DIS3L2: variants seen among roughly 807,000 people sequenced by gnomAD.
DIS3L2 encodes the protein DIS3 like 3'-5' exoribonuclease 2, also known as DIS3-like exonuclease 2.
In DIS3L2, 34 loss-of-function variants were observed where a neutral mutation model predicts 97.5. The observed-to-expected ratio is 0.35, with a 90% CI of 0.27 to 0.46. The LOEUF (loss-of-function observed/expected upper bound fraction) is 0.46, where lower values mean the gene tolerates loss of function less well. DIS3L2 is among the 20% of genes least tolerant of loss of function. DIS3L2 has a pLI of 1.00. For synonymous variants in DIS3L2, 435 were observed against 445.2 expected, an observed-to-expected ratio of 0.98 and a Z score of 0.29; for missense variants, 1,038 against 1,146.0, an observed-to-expected ratio of 0.91 and a Z score of 1.36.
chr2:232,218,826 A>T (rs754272436), intron 10 of DIS3L2, among the ~76,000 whole-genome samples: 1 of 152,228 alleles, frequency 6.6e-6, no homozygotes, highest in Non-Finnish European at 1.5e-5. Flanking sequence ...GGACCAGATC[A>T]TGTAGCTTTT....
In DIS3L2 at chr2:232,015,529, C is replaced by T. The variant is rs1004734586; in HGVS notation, c.68C>T (p.Ala23Val). 1.2e-6 allele frequency: 2 copies of T among 1,613,928 alleles called. No individual in the cohort carries two copies. Among genetic ancestry groups the T allele is most frequent in the African/African-American group, 1.3e-5 (1 of 75,022 alleles). Residue 23 changes from alanine to valine, a missense_variant, in exon 3 of 21, where the codon GCT (alanine) becomes GTT (valine). Ala to Val is a moderately conservative substitution (Grantham distance 64, BLOSUM62 0). Transcript: ENST00000325385. ...CTGTTTCTAGGTGTGTCTGCTGTGG[C>T]TGGTCCACATGACATTGGTGCTTCG... is the stretch of plus-strand genomic sequence containing the variant. ...LGTPRGVSAV[A>V]GPHDIGASPG...
chr2:232,187,598 A>T (rs1444342682), intron 9 of DIS3L2, among the ~76,000 whole-genome samples: 1 of 152,038 alleles, frequency 6.6e-6, no homozygotes, highest in East Asian at 1.9e-4. Flanking sequence ...GCGCGCCACC[A>T]TGCCCAGCTA....
downstream of DIS3L2, among the ~76,000 whole-genome samples, chr2:232,341,508 G>C (rs890526097): frequency 6.6e-6 from 1 of 152,218 alleles, no homozygotes; most frequent in Non-Finnish European, 1.5e-5. Context: ...CACAGTTTAC[G>C]ATCTGGCAAT....
intron 14 of DIS3L2, 28 bp from the exon 15 acceptor site, chr2:232,329,785 T>TGCCCGGGGGGA: frequency 1.0e-6 from 1 of 967,142 alleles, no homozygotes; most frequent in Non-Finnish European, 1.5e-6. Context: ...ACCCCAGCGG[T>TGCCCGGGGGGA]CCCTCCCATC....
At chr2:232,235,036 A>G (rs1040031430) in intron 10 of DIS3L2, among the ~76,000 whole-genome samples, 39 of 152,234 alleles carry the variant, frequency 2.6e-4, no homozygotes, top group South Asian at 2.1e-4. Flanking sequence ...TTTATAATCT[A>G]TGTTTTAATT....
chr2:232,114,364 A>G (rs577019669), intron 6 of DIS3L2, among the ~76,000 whole-genome samples: 11 of 152,292 alleles, frequency 7.2e-5, no homozygotes, highest in African/African-American at 1.7e-4. Context: ...TTAGGCAGAG[A>G]AGGATTAATT....
intron 13 of DIS3L2, among the ~76,000 whole-genome samples, chr2:232,282,833 C>G (rs145559538): frequency 6.6e-6 from 1 of 152,324 alleles, no homozygotes; most frequent in Non-Finnish European, 1.5e-5. Context: ...TCCCCACTTT[C>G]TGAATTCAGG....
At chr2:232,209,397 G>T (rs1692125515) in intron 9 of DIS3L2, among the ~76,000 whole-genome samples, 1 of 152,172 alleles carries the variant, frequency 6.6e-6, no homozygotes, top group Non-Finnish European at 1.5e-5. Flanking sequence ...AACAAAGCCT[G>T]TCTTACCATG....
intron 13 of DIS3L2, among the ~76,000 whole-genome samples, chr2:232,270,896 C>CTCTCTGTCTCG (rs1553542485): frequency 9.7e-5 from 14 of 144,458 alleles, no homozygotes; most frequent in African/African-American, 3.7e-4. Context: ...CTCTCTCTCT[C>CTCTCTGTCTCG]TCTCTCTCTC....
At position 232,238,627 on chromosome 2, in the gene DIS3L2, C is replaced by T. The variant is rs752632643; in HGVS notation, c.1299C>T (p.Ser433=). Residue 433 remains serine (S), a synonymous_variant, in exon 11 of 21, where the codon AGC becomes AGT. Transcript: ENST00000325385. The part of the protein sequence containing the change: ...LDKVAAERAT[S]VYLVQKVVPM... ...AAGTGGCTGCCGAGAGGGCTACAAG[C>T]GTCTACTTGGTTCAAAAGGTAAAAA... 1.2e-5 allele frequency: 20 copies of T among 1,613,570 alleles called. No individual in the cohort carries two copies. The highest frequency in any genetic ancestry group is 2.2e-5 in the East Asian group (1 of 44,878).
chr2:232,295,371 C>T (rs1222213073), intron 13 of DIS3L2, among the ~76,000 whole-genome samples: 2 of 152,164 alleles, frequency 1.3e-5, no homozygotes, highest in African/African-American at 4.8e-5. Flanking sequence ...TTCTAAATCC[C>T]CCCTGCCCAA....
At chr2:232,130,579 G>C in intron 6 of DIS3L2, 40 bp from the exon 7 acceptor site, 1 of 1,586,942 alleles carries the variant, frequency 6.3e-7, no homozygotes, top group South Asian at 1.2e-5. Flanking sequence ...ATATGCATCT[G>C]GTTGATGACT....
chr2:232,333,755 C>CGAA, intron 16 of DIS3L2, 85 bp from the exon 17 acceptor site: 61 of 1,488,918 alleles, frequency 4.1e-5, no homozygotes, highest in Admixed American at 1.8e-4. Context: ...TCGCTGCCGA[C>CGAA]GGTGAGGCTG....
At chr2:232,243,058 C>T (rs1478011179) in intron 11 of DIS3L2, among the ~76,000 whole-genome samples, 1 of 152,148 alleles carries the variant, frequency 6.6e-6, no homozygotes, top group Non-Finnish European at 1.5e-5. Context: ...TACAGAAGTG[C>T]CCCAAAGGTG....
rs968372864 is a variant in DIS3L2, at chr2:232,237,644, G to A, written c.1205-889G>A. On this transcript the variant is annotated intron_variant, in intron 10 of 20. Transcript: ENST00000325385. ...AAGACCACGGTAAGCCTCAACAGGT[G>A]TGGAGTACGTGCTTTACAGTGCAGA... 3.3e-5 allele frequency among the ~76,000 whole-genome samples: 5 copies of A among 151,368 alleles called. No homozygotes were observed. In the East Asian group the frequency reaches 5.8e-4, roughly 18 times the overall value.
intron 13 of DIS3L2, among the ~76,000 whole-genome samples, chr2:232,277,597 G>A (rs1232961884): frequency 6.6e-6 from 1 of 152,026 alleles, no homozygotes; most frequent in Non-Finnish European, 1.5e-5. Context: ...AGCAGCCATT[G>A]TTCACCTATC....
chr2:232,133,127 G>T (rs1436452478), intron 7 of DIS3L2, among the ~76,000 whole-genome samples: 1 of 152,170 alleles, frequency 6.6e-6, no homozygotes, highest in Non-Finnish European at 1.5e-5. Context: ...GGGCAGCCAG[G>T]TAGCACCAAT....
In DIS3L2 at chr2:232,325,182, A is replaced by G. The variant is rs942662414; in HGVS notation, c.1740-4631A>G. Among the ~76,000 whole-genome samples, 1 of 152,236 alleles carries G rather than the reference A, an allele frequency of 6.6e-6. No homozygotes were observed. The highest frequency in any genetic ancestry group is 2.4e-5 in the African/African-American group (1 of 41,464). ...TCCCAGCATCGTCCTTTAAGATGCG[A>G]CAGAAACAGGTCCCACCTGAGCCAG... On this transcript the variant is annotated intron_variant, in intron 14 of 20. Transcript: ENST00000325385. The surrounding 1 kb of genome is among the most constrained non-coding windows in gnomAD (Gnocchi z 4.6).
chr2:232,332,266 GC>G (rs1177907294), intron 16 of DIS3L2, among the ~76,000 whole-genome samples: 1 of 151,630 alleles, frequency 6.6e-6, no homozygotes, highest in East Asian at 2.0e-4. Flanking sequence ...CCAGAGACTT[GC>G]CCCCGACTTA....
Sources: gnomAD v4.1 joint callset for allele counts (sites outside exome capture counted in the v4.1 genomes callset) on GRCh38, gnomAD v4.1.1 for gene constraint, Gnocchi (gnomAD v3.1) non-coding constraint, MANE v1.5 for transcripts, NCBI Gene and HGNC (gene_info 2026-07-23, HGNC 2026-07-21) for gene names.